Variants in KLF7 observed in about 807,000 individuals in gnomAD.
KLF7 encodes the protein Krueppel-like factor 7.
A neutral mutation model predicts 27.3 loss-of-function variants in KLF7; 2 were observed. That is an observed-to-expected ratio of 0.07 (90% CI 0.03 to 0.23). The LOEUF (loss-of-function observed/expected upper bound fraction) is 0.23, where lower values mean the gene tolerates loss of function less well. Ranked by LOEUF, KLF7 falls within the 10% of genes least tolerant of loss-of-function variation. KLF7 has a pLI of 1.00. For synonymous variants in KLF7, 165 were observed against 162.4 expected (o/e 1.02, Z -0.12); for missense variants, 221 against 394.1 (o/e 0.56, Z 3.72).
At chr2:207,092,649 T>C (rs1020775650) in intron 2 of KLF7, among the ~76,000 whole-genome samples, 6 of 152,208 alleles carry the variant, frequency 3.9e-5, no homozygotes, top group Non-Finnish European at 8.8e-5. Context: ...TGAAATGAAA[T>C]GTGGTCTAAA....
At chr2:207,137,667 G>C (rs991460347) in intron 1 of KLF7, among the ~76,000 whole-genome samples, 1 of 152,172 alleles carries the variant, frequency 6.6e-6, no homozygotes, top group African/African-American at 2.4e-5. Flanking sequence ...GTTCCTATGA[G>C]TGTGAGTGTG....
chr2:207,093,991 A>C (rs1478718208), intron 2 of KLF7, among the ~76,000 whole-genome samples: 1 of 152,196 alleles, frequency 6.6e-6, no homozygotes, highest in African/African-American at 2.4e-5. Flanking sequence ...CTGTAACTTA[A>C]TCTCACACAT....
chr2:207,166,160 G>A, upstream of KLF7: 1 of 985,786 alleles, frequency 1.0e-6, no homozygotes, highest in Non-Finnish European at 1.2e-6. Flanking sequence ...GTGGGATCTC[G>A]AGGAGGGCGT....
rs922718093 is a variant in KLF7 at position 207,079,083 on chromosome 2, G to A, written c.*2130C>T. On this transcript the variant is annotated 3_prime_UTR_variant, in exon 4 of 4. Transcript: ENST00000309446. ...TTATTTTGTTTTTTTTTTTGTTTTT[G>A]TTTTTGTTTTTTTTGGTCTAAATAG... 7.5e-5 allele frequency: 10 copies of A among 133,848 alleles called. No individual in the cohort carries two copies. The highest frequency in any genetic ancestry group is 1.5e-4 in the Admixed American group (2 of 13,172). 8.3% of individuals were successfully genotyped at this position (133,848 alleles called of 1,614,324 possible). A position where few individuals can be genotyped will look rare whatever the true frequency, so the allele number is the denominator to read the frequency against.
intron 1 of KLF7, among the ~76,000 whole-genome samples, chr2:207,160,736 C>A (rs886885384): frequency 6.6e-6 from 1 of 152,212 alleles, no homozygotes; most frequent in Non-Finnish European, 1.5e-5. Context: ...CATTAGGACC[C>A]TCTCTGAACT....
chr2:207,149,095 A>T (rs1424144164), intron 1 of KLF7: 3 of 1,264,836 alleles, frequency 2.4e-6, no homozygotes, highest in Non-Finnish European at 3.1e-6. Context: ...GCTCTTAGGG[A>T]CTGATAAATC....
intron 2 of KLF7, among the ~76,000 whole-genome samples, chr2:207,099,800 C>A (rs2076721214): frequency 6.6e-6 from 1 of 151,654 alleles, no homozygotes; most frequent in Non-Finnish European, 1.5e-5. Flanking sequence ...TTTCTCTAAA[C>A]TTAAAAAAAT....
chr2:207,157,783 T>C (rs1172872429), intron 1 of KLF7, among the ~76,000 whole-genome samples: 1 of 152,196 alleles, frequency 6.6e-6, no homozygotes, highest in African/African-American at 2.4e-5. Context: ...CTTCCGCTAA[T>C]TAGATCTTTT....
intron 1 of KLF7, among the ~76,000 whole-genome samples, chr2:207,142,583 C>A (rs1368288165): frequency 6.6e-6 from 1 of 152,180 alleles, no homozygotes; most frequent in Non-Finnish European, 1.5e-5. Flanking sequence ...AGAGAAGGAA[C>A]CCACTCACTC....
intron 2 of KLF7, among the ~76,000 whole-genome samples, chr2:207,101,256 T>A (rs1419216398): frequency 6.6e-6 from 1 of 152,148 alleles, no homozygotes. Context: ...CTGCTAGAGA[T>A]TAAAGCTAAA....
At chr2:207,116,510 T>C (rs2077191919) in intron 2 of KLF7, among the ~76,000 whole-genome samples, 1 of 152,194 alleles carries the variant, frequency 6.6e-6, no homozygotes, top group East Asian at 1.9e-4. Flanking sequence ...CTGCCTACCA[T>C]CAATTCTTAT....
chr2:207,119,697 A>T (rs1464907918), intron 2 of KLF7, among the ~76,000 whole-genome samples: 1 of 151,820 alleles, frequency 6.6e-6, no homozygotes, highest in Non-Finnish European at 1.5e-5. Context: ...CCATATGTCC[A>T]TTTTTTTTAA....
intron 2 of KLF7, among the ~76,000 whole-genome samples, chr2:207,105,491 G>A (rs887922942): frequency 3.3e-5 from 5 of 152,162 alleles, no homozygotes; most frequent in Non-Finnish European, 7.4e-5. Context: ...TTAAGTCTGG[G>A]TCTGACTCCA....
intron 3 of KLF7, among the ~76,000 whole-genome samples, chr2:207,085,325 G>T (rs1212881203): frequency 6.6e-6 from 1 of 151,998 alleles, no homozygotes; most frequent in Non-Finnish European, 1.5e-5. Flanking sequence ...CCTCTAAACT[G>T]CCCAAGAACT....
At chr2:207,122,573 G>A (rs897479047) in intron 2 of KLF7, among the ~76,000 whole-genome samples, 3 of 152,180 alleles carry the variant, frequency 2.0e-5, no homozygotes, top group African/African-American at 7.2e-5. Context: ...ATGAGGCCTG[G>A]TGAGGTAAAG....
chr2:207,164,145 T>C (rs2078630031), intron 1 of KLF7, among the ~76,000 whole-genome samples: 1 of 152,202 alleles, frequency 6.6e-6, no homozygotes. Flanking sequence ...CTCGGCTCCT[T>C]ATACCAAAAG....
chr2:207,136,042 C>T (rs549208981), intron 1 of KLF7, among the ~76,000 whole-genome samples: 229 of 152,270 alleles, frequency 1.5e-3, no homozygotes, highest in African/African-American at 5.2e-3. Flanking sequence ...GTGAACAAAA[C>T]GCTATTTTCA....
chr2:207,117,771 A>G (rs1425419538), intron 2 of KLF7, among the ~76,000 whole-genome samples: 1 of 152,208 alleles, frequency 6.6e-6, no homozygotes, highest in Non-Finnish European at 1.5e-5. Context: ...GACATCATTT[A>G]AAAAGATGAA....
chr2:207,121,015 C>T (rs1344780755), intron 2 of KLF7: 1 of 152,236 alleles, frequency 6.6e-6, no homozygotes, highest in Non-Finnish European at 1.5e-5. Flanking sequence ...TTATCTGTTT[C>T]TCTTTCTTGT....
Sources: allele counts gnomAD v4.1 joint callset (sites outside exome capture counted in the v4.1 genomes callset), GRCh38; gene constraint gnomAD v4.1.1; transcripts MANE v1.5; gene names NCBI Gene and HGNC (gene_info 2026-07-23, HGNC 2026-07-21).